The following CACUL1 variants were observed in gnomAD, a reference collection of about 807,000 sequenced individuals.
CACUL1 encodes CDK2-associated and cullin domain-containing protein 1.
In CACUL1, 13 loss-of-function variants were observed where a neutral mutation model predicts 45.2. That is an observed-to-expected ratio of 0.29 (90% CI 0.19 to 0.46). The LOEUF (loss-of-function observed/expected upper bound fraction) is 0.46, where lower values mean the gene tolerates loss of function less well. CACUL1 is among the 20% of genes least tolerant of loss of function. CACUL1 has a pLI of 1.00. For missense variants in CACUL1, 421 were observed against 471.4 expected, an observed-to-expected ratio of 0.89 and a Z score of 0.99; for synonymous variants, 197 against 174.2, an observed-to-expected ratio of 1.13 and a Z score of -1.03.
chr10:118,727,931 T>C (rs1845666057), intron 3 of CACUL1, among the ~76,000 whole-genome samples: 2 of 152,188 alleles, frequency 1.3e-5, no homozygotes, highest in African/African-American at 4.8e-5. Flanking sequence ...TCAAAAGCTA[T>C]AAAGCATAGA....
chr10:118,725,690 AG>A (rs1209266380), intron 3 of CACUL1, among the ~76,000 whole-genome samples: 3 of 152,148 alleles, frequency 2.0e-5, no homozygotes, highest in Admixed American at 1.3e-4. Context: ...AAGTGCCTGA[AG>A]TAAAGTAATT....
rs1387831702 is a variant in CACUL1 at position 118,701,407 on chromosome 10, T to C, written c.695A>G (p.Asn232Ser). 39 of 1,505,022 alleles carry C rather than the reference T, an allele frequency of 2.6e-5. No individual in the cohort carries two copies. The highest frequency in any genetic ancestry group is 3.4e-5 in the Non-Finnish European group (37 of 1,100,406). The allele number at this position is 1,505,022 out of a possible 1,614,324, so 93.2% of individuals were successfully genotyped here. A position where few individuals can be genotyped will look rare whatever the true frequency, so the allele number is the denominator to read the frequency against. ...QSIVPLFIYMNKFYIETKLNR... is the reference protein window; with the variant it reads ...QSIVPLFIYMSKFYIETKLNR... ...AAGCTTGGTTTCGATGTAAAACTTA[T>C]TCTGAAAAATAAAATAAAATCTTTT... The change falls in exon 5 of 9, where the codon AAT becomes AGT. Residue 232 changes from asparagine to serine, a missense_variant and splice_region_variant. This residue lies in a region of CACUL1 where 208 missense variants were observed against 298.4 expected (regional missense o/e 0.70). Transcript: ENST00000369151.
At chr10:118,725,262 G>T (rs1459141075) in intron 3 of CACUL1, among the ~76,000 whole-genome samples, 2 of 152,168 alleles carry the variant, frequency 1.3e-5, no homozygotes, top group Admixed American at 1.3e-4. Flanking sequence ...GAGTCCAGAA[G>T]TTCAACACCA....
At chr10:118,743,269 G>A (rs1172414153) in intron 1 of CACUL1, among the ~76,000 whole-genome samples, 1 of 152,040 alleles carries the variant, frequency 6.6e-6, no homozygotes, top group African/African-American at 2.4e-5. Flanking sequence ...TAACATATGT[G>A]TAACTAGTGG....
chr10:118,686,577 G>A, intron 8 of CACUL1, 21 bp downstream of exon 8: 1 of 1,590,528 alleles, frequency 6.3e-7, no homozygotes, highest in South Asian at 1.1e-5. Context: ...CATCAAGATG[G>A]GAAGGAACAT....
intron 3 of CACUL1, among the ~76,000 whole-genome samples, chr10:118,715,178 T>C (rs1279538028): frequency 2.0e-5 from 3 of 152,196 alleles, no homozygotes; most frequent in African/African-American, 4.8e-5. Flanking sequence ...CCAGTTTAAA[T>C]AGTGAAATCT....
At chr10:118,734,620 CAAGAATAAGAAAAG>C in intron 1 of CACUL1, among the ~76,000 whole-genome samples, 1 of 152,202 alleles carries the variant, frequency 6.6e-6, no homozygotes, top group South Asian at 2.1e-4. Flanking sequence ...AGGCCTGGTG[CAAGAATAAGAAAAG>C]TGGTGAGGGC....
intron 1 of CACUL1, among the ~76,000 whole-genome samples, chr10:118,731,738 T>A (rs879768053): frequency 6.6e-6 from 1 of 152,206 alleles, no homozygotes; most frequent in Admixed American, 6.5e-5. Flanking sequence ...GGAATTTTTA[T>A]GGCAATTAAC....
At chr10:118,713,298 AG>A (rs562856554) in intron 3 of CACUL1, among the ~76,000 whole-genome samples, 107 of 152,294 alleles carry the variant, frequency 7.0e-4, no homozygotes, top group African/African-American at 2.3e-3. Context: ...CTTCGAGGGC[AG>A]GGGGTCCTTC....
chr10:118,754,862 G>T lies in CACUL1; in HGVS notation c.-100C>A. 2 of 1,445,918 alleles carry T rather than the reference G, an allele frequency of 1.4e-6. No individual in the cohort carries two copies. Among genetic ancestry groups the T allele is most frequent in the Non-Finnish European group, 1.8e-6 (2 of 1,084,844 alleles). The allele number at this position is 1,445,918 out of a possible 1,614,324, so 89.6% of individuals were successfully genotyped here. A position where few individuals can be genotyped will look rare whatever the true frequency, so the allele number is the denominator to read the frequency against. On this transcript the variant is annotated 5_prime_UTR_variant, in exon 1 of 9. Coordinates refer to ENST00000369151, the MANE Select transcript of CACUL1 (RefSeq NM_153810.5). ...TGCCTCCCCGAGTTACATCGCCGGC[G>T]GCAGGAATGGGCGCAGCGGAGAGGG...
At chr10:118,748,893 G>A (rs1021307010) in intron 1 of CACUL1, among the ~76,000 whole-genome samples, 34 of 152,086 alleles carry the variant, frequency 2.2e-4, no homozygotes, top group Non-Finnish European at 4.6e-4. Flanking sequence ...ATTGAATGGA[G>A]GAGAAGAGGT....
chr10:118,754,333 G>T (rs1482490854), intron 1 of CACUL1, 63 bp downstream of exon 1: 3 of 1,438,266 alleles, frequency 2.1e-6, no homozygotes, highest in Non-Finnish European at 2.7e-6. Flanking sequence ...TCCAAGAGGG[G>T]GTGGATTCGG....
At chr10:118,724,466 T>C (rs1845633470) in intron 3 of CACUL1, among the ~76,000 whole-genome samples, 2 of 152,224 alleles carry the variant, frequency 1.3e-5, no homozygotes, top group African/African-American at 4.8e-5. Flanking sequence ...AGAGTCATAG[T>C]TAAATAGGAT....
intron 3 of CACUL1, among the ~76,000 whole-genome samples, chr10:118,725,651 AGTTT>A (rs1349487943): frequency 1.3e-5 from 2 of 152,258 alleles, no homozygotes; most frequent in Non-Finnish European, 2.9e-5. Flanking sequence ...TTGTTTTATT[AGTTT>A]AACAACACAA....
Position 118,700,602 on chromosome 10 carries a change from A to G in CACUL1, c.796+704T>C, listed in dbSNP as rs183909476. 3.9e-3 allele frequency among the ~76,000 whole-genome samples: 592 copies of G among 152,118 alleles called. 5 individuals are homozygous for G. Among genetic ancestry groups the G allele is most frequent in the African/African-American group, 0.012 (490 of 41,460 alleles). On this transcript the variant is annotated intron_variant, in intron 5 of 8. Coordinates refer to ENST00000369151, the MANE Select transcript of CACUL1 (RefSeq NM_153810.5). ...CATGGTTGCGGGCACCTGTAATCCC[A>G]GCTACTCGGGAGGCTGAGGCAGGAG...
At chr10:118,753,047 C>A (rs1403731928) in intron 1 of CACUL1, among the ~76,000 whole-genome samples, 1 of 152,146 alleles carries the variant, frequency 6.6e-6, no homozygotes, top group Non-Finnish European at 1.5e-5. Context: ...TTACTGATTT[C>A]TGTTCCTAAC....
In CACUL1 at chr10:118,679,069, T is replaced by G. The variant is rs1048007066; in HGVS notation, c.*7059A>C. Reference sequence around the variant, plus strand: ...TATTTTTCTCGACAGGGTCTCACTCTGTTATCCTAGCTGAAATGCAGTGGT... The same window carrying G: ...TATTTTTCTCGACAGGGTCTCACTCGGTTATCCTAGCTGAAATGCAGTGGT... On this transcript the variant is annotated 3_prime_UTR_variant, in exon 9 of 9. Transcript: ENST00000369151. 6.6e-6 allele frequency: 1 copy of G among 152,242 alleles called. No homozygotes were observed. Among genetic ancestry groups the G allele is most frequent in the African/African-American group, 2.4e-5 (1 of 41,466 alleles). The allele number at this position is 152,242 out of a possible 1,614,324, so 9.4% of individuals were successfully genotyped here. A position where few individuals can be genotyped will look rare whatever the true frequency, so the allele number is the denominator to read the frequency against.
chr10:118,746,892 G>C (rs1845847866), intron 1 of CACUL1, among the ~76,000 whole-genome samples: 1 of 152,206 alleles, frequency 6.6e-6, no homozygotes, highest in Non-Finnish European at 1.5e-5. Flanking sequence ...CGATTCTCTA[G>C]AACAGGGGTC....
chr10:118,713,073 C>T (rs961649247), intron 3 of CACUL1, among the ~76,000 whole-genome samples: 2 of 152,242 alleles, frequency 1.3e-5, no homozygotes, highest in African/African-American at 2.4e-5. Context: ...CCAAGCTGCC[C>T]TCAGCACCCC....
Sources: gnomAD v4.1 joint callset for allele counts (sites outside exome capture counted in the v4.1 genomes callset) on GRCh38, gnomAD v4.1.1 for gene constraint, gnomAD v4.1.1 regional missense constraint, MANE v1.5 for transcripts, NCBI Gene and HGNC (gene_info 2026-07-23, HGNC 2026-07-21) for gene names.